The following CHPT1 variants were observed in gnomAD, a reference collection of about 807,000 sequenced individuals.
CHPT1 encodes cholinephosphotransferase 1.
Under a neutral mutation model 47.6 loss-of-function variants are expected in CHPT1, and 36 were observed. That is an observed-to-expected ratio of 0.76 (90% CI 0.58 to 1.00). The LOEUF is 1.00. Ranked by LOEUF, CHPT1 falls within the 50% of genes least tolerant of loss-of-function variation. The probability of loss-of-function intolerance (pLI) is 0.00; values close to 1 mark genes in which losing one functional copy is unlikely to be tolerated. For synonymous variants in CHPT1, 194 were observed against 186.3 expected (o/e 1.04, Z -0.33); for missense variants, 458 against 498.1 (o/e 0.92, Z 0.77).
chr12:101,722,054 A>G (rs971152710), intron 5 of CHPT1, among the ~76,000 whole-genome samples: 1 of 148,336 alleles, frequency 6.7e-6, no homozygotes, highest in Non-Finnish European at 1.5e-5. Context: ...GCTAGATTCC[A>G]TCTCAAAAAA....
intron 1 of CHPT1, among the ~76,000 whole-genome samples, chr12:101,704,384 AGATAT>A (rs749632074): frequency 7.3e-4 from 111 of 151,526 alleles, no homozygotes; most frequent in Non-Finnish European, 1.4e-3. Flanking sequence ...ATAAAATCAT[AGATAT>A]GATATGCTAT....
intron 8 of CHPT1, 191 bp downstream of exon 8, chr12:101,726,595 T>C (rs1298554097): frequency 2.9e-6 from 2 of 687,946 alleles, no homozygotes; most frequent in Admixed American, 3.4e-5. Flanking sequence ...CATTGTATCA[T>C]CATTTTTTAT....
At chr12:101,707,486 T>C (rs1033420499) in intron 1 of CHPT1, among the ~76,000 whole-genome samples, 2 of 152,148 alleles carry the variant, frequency 1.3e-5, no homozygotes, top group East Asian at 3.8e-4. Context: ...GTAATACAAA[T>C]AGAAAATTAT....
chr12:101,701,312 A>G (rs566549398), intron 1 of CHPT1, among the ~76,000 whole-genome samples: 13 of 152,262 alleles, frequency 8.5e-5, no homozygotes, highest in African/African-American at 3.1e-4. Flanking sequence ...TTCTAACACT[A>G]TATCCTTATG....
chr12:101,723,035 A>G (rs1287805253), intron 5 of CHPT1, 133 bp from the exon 6 acceptor site: 1 of 733,818 alleles, frequency 1.4e-6, no homozygotes, highest in South Asian at 1.8e-5. Context: ...TCAGGTTTGT[A>G]TACTCCTGTA....
At chr12:101,726,566 A>T in intron 8 of CHPT1, 162 bp downstream of exon 8, 2 of 1,073,408 alleles carry the variant, frequency 1.9e-6, no homozygotes, top group Non-Finnish European at 2.5e-6. Flanking sequence ...ATTGTGTCTT[A>T]TTTCAGTTAT....
At chr12:101,709,413 CTAATCTA>C (rs1435807726) in intron 1 of CHPT1, among the ~76,000 whole-genome samples, 1 of 135,212 alleles carries the variant, frequency 7.4e-6, no homozygotes, top group Non-Finnish European at 1.6e-5. Context: ...AAAAAAAAGT[CTAATCTA>C]TAATTGTACC....
At chr12:101,719,351 G>T in intron 4 of CHPT1, 1 of 368,632 alleles carries the variant, frequency 2.7e-6, no homozygotes, top group Non-Finnish European at 5.3e-6. Context: ...TTTTGATTCA[G>T]GTTTTCTAAA....
At chr12:101,719,507 T>G in intron 4 of CHPT1, 2 of 1,280,998 alleles carry the variant, frequency 1.6e-6, no homozygotes, top group Non-Finnish European at 2.0e-6. Flanking sequence ...GAACAGCAGT[T>G]GACCAACAGG....
intron 1 of CHPT1, among the ~76,000 whole-genome samples, chr12:101,699,326 T>G (rs1257732839): frequency 6.6e-6 from 1 of 151,970 alleles, no homozygotes; most frequent in East Asian, 1.9e-4. Context: ...AAACAAAAAT[T>G]TGATCGAGCC....
At position 101,714,493 on chromosome 12, in the gene CHPT1, G is replaced by C. The variant is rs773008969; in HGVS notation, c.422-11G>C. 6.9e-6 allele frequency: 11 copies of C among 1,586,976 alleles called. No individual in the cohort carries two copies. Among genetic ancestry groups the C allele is most frequent in the Non-Finnish European group, 9.4e-6 (11 of 1,171,312 alleles). On this transcript the variant is annotated splice_polypyrimidine_tract_variant and intron_variant, in intron 2 of 8. Coordinates refer to ENST00000229266, the MANE Select transcript of CHPT1 (RefSeq NM_020244.3). ...TAATTCTTAATGATTCTTAAACTTTGTTTCTTTCAGTATTTATGGCAGTGG... is the reference window on the plus strand; with the variant it reads ...TAATTCTTAATGATTCTTAAACTTTCTTTCTTTCAGTATTTATGGCAGTGG...
chr12:101,699,112 T>A (rs1951511892), intron 1 of CHPT1, among the ~76,000 whole-genome samples: 1 of 152,174 alleles, frequency 6.6e-6, no homozygotes, highest in Non-Finnish European at 1.5e-5. Flanking sequence ...AGACAGGGGT[T>A]TACTCTGTCA....
intron 7 of CHPT1, among the ~76,000 whole-genome samples, chr12:101,725,131 A>G (rs984797017): frequency 1.3e-5 from 2 of 152,164 alleles, no homozygotes; most frequent in Admixed American, 6.5e-5. Context: ...TATTCTGTGC[A>G]TGGATTACAG....
intron 4 of CHPT1, chr12:101,717,471 T>C (rs1434768343): frequency 6.4e-6 from 2 of 314,954 alleles, no homozygotes; most frequent in Non-Finnish European, 1.3e-5. Flanking sequence ...AGGATATCAA[T>C]AGTCAACAAC....
intron 3 of CHPT1, 144 bp downstream of exon 3, chr12:101,714,789 C>A: frequency 1.4e-6 from 1 of 696,092 alleles, no homozygotes; most frequent in Non-Finnish European, 2.2e-6. Flanking sequence ...AAATGCTACA[C>A]CTTAAGTCTT....
Position 101,716,892 on chromosome 12 carries a change from A to G in CHPT1, c.648+80A>G, listed in dbSNP as rs1404768912. 6 of 856,024 alleles carry G rather than the reference A, an allele frequency of 7.0e-6. No homozygotes were observed. In the South Asian group the frequency reaches 1.1e-4, roughly 16 times the overall value. The allele number at this position is 856,024 out of a possible 1,614,324, so 53.0% of individuals were successfully genotyped here. ...AGTATTGCATTGTTAATTTTCTTCA[A>G]AAATCCTTGGCATTGTATTTAATTT... On this transcript the variant is annotated intron_variant, in intron 4 of 8. Coordinates refer to ENST00000229266, the MANE Select transcript of CHPT1 (RefSeq NM_020244.3).
In CHPT1 at chr12:101,720,216, C is replaced by G. The variant is rs1354426415; in HGVS notation, c.742C>G (p.Leu248Val). 1 of 1,603,462 alleles carries G rather than the reference C, an allele frequency of 6.2e-7. No homozygotes were observed. The highest frequency in any genetic ancestry group is 8.5e-7 in the Non-Finnish European group (1 of 1,174,728). ...FSCSNYFHVI[L>V]HGGVGKNGST... ...CTGTTCAAATTATTTCCATGTTATCCTCCATGGTGGTGTTGGCAAGAATGG... is the reference window on the plus strand; with the variant it reads ...CTGTTCAAATTATTTCCATGTTATCGTCCATGGTGGTGTTGGCAAGAATGG... Residue 248 changes from leucine to valine, a missense_variant, in exon 5 of 9, where the codon CTC (leucine) becomes GTC (valine). Coordinates refer to ENST00000229266, the MANE Select transcript of CHPT1 (RefSeq NM_020244.3).
chr12:101,725,015 G>A (rs1056797161), intron 7 of CHPT1, among the ~76,000 whole-genome samples: 3 of 151,862 alleles, frequency 2.0e-5, no homozygotes, highest in Non-Finnish European at 4.4e-5. Context: ...TAAATATACC[G>A]AAGTACACCA....
chr12:101,722,960 A>T (rs1951876862), intron 5 of CHPT1, among the ~76,000 whole-genome samples: 1 of 152,204 alleles, frequency 6.6e-6, no homozygotes, highest in Non-Finnish European at 1.5e-5. Flanking sequence ...CTGGAATCAG[A>T]CATCTGTGGC....
Sources: gnomAD v4.1 joint callset for allele counts (sites outside exome capture counted in the v4.1 genomes callset) on GRCh38, gnomAD v4.1.1 for gene constraint, MANE v1.5 for transcripts, NCBI Gene and HGNC (gene_info 2026-07-23, HGNC 2026-07-21) for gene names.